PAPOLG: variants seen among roughly 807,000 people sequenced by gnomAD.
PAPOLG encodes the protein PAP-gamma.
In PAPOLG, 40 loss-of-function variants were observed where a neutral mutation model predicts 99.0. The ratio of observed to expected loss-of-function variants is 0.40; its 90% CI spans 0.31 to 0.53. The LOEUF is 0.53. Among genes scored for constraint, PAPOLG ranks in the 20% least tolerant of loss-of-function variants. The pLI is 0.41. For missense variants in PAPOLG, 675 were observed against 884.1 expected (o/e 0.76, Z 3.00); for synonymous variants, 310 against 299.3 (o/e 1.04, Z -0.37).
At chr2:60,767,311 A>C (rs1397682248) in intron 3 of PAPOLG, among the ~76,000 whole-genome samples, 1 of 152,008 alleles carries the variant, frequency 6.6e-6, no homozygotes, top group Non-Finnish European at 1.5e-5. Context: ...CTAGCTCTCA[A>C]GAGGTGAAAA....
intron 3 of PAPOLG, among the ~76,000 whole-genome samples, chr2:60,764,815 T>TA (rs1291100031): frequency 6.6e-6 from 1 of 152,176 alleles, no homozygotes; most frequent in Non-Finnish European, 1.5e-5. Flanking sequence ...GGGCTCAGAA[T>TA]AAAGTTGAGT....
intron 13 of PAPOLG, among the ~76,000 whole-genome samples, chr2:60,785,604 C>T (rs1465729475): frequency 6.6e-6 from 1 of 151,884 alleles, no homozygotes; most frequent in Non-Finnish European, 1.5e-5. Flanking sequence ...ATACTGCAAC[C>T]TCAAACTCCT....
rs1249176859 is a variant in PAPOLG at position 60,768,531 on chromosome 2, G to A, written c.308G>A (p.Arg103Lys). The change falls in exon 4 of 22, where the codon AGG becomes AAG. Residue 103 changes from arginine (R) to lysine (K), a missense_variant. Transcript: ENST00000238714. ...AAAATTTTCACATTTGGATCCTATAGGCTTGGAGTACACACCAAAGGTAAC... is the reference window on the plus strand; with the variant it reads ...AAAATTTTCACATTTGGATCCTATAAGCTTGGAGTACACACCAAAGGTAAC... The part of the protein sequence containing the change: ...GGKIFTFGSY[R>K]LGVHTKGADI... 5 of 1,610,766 alleles carry A rather than the reference G, an allele frequency of 3.1e-6. No individual in the cohort carries two copies. Among genetic ancestry groups the A allele is most frequent in the African/African-American group, 1.3e-5 (1 of 74,840 alleles).
intron 8 of PAPOLG, among the ~76,000 whole-genome samples, chr2:60,776,782 C>G (rs913292869): frequency 6.6e-6 from 1 of 152,128 alleles, no homozygotes; most frequent in African/African-American, 2.4e-5. Context: ...AATCACCTAC[C>G]CTTTGAAGCT....
chr2:60,768,931 G>C, intron 5 of PAPOLG, 41 bp downstream of exon 5: 2 of 1,409,350 alleles, frequency 1.4e-6, no homozygotes, highest in Non-Finnish European at 1.9e-6. Flanking sequence ...ATTTAGATTA[G>C]TAACAAATAT....
Position 60,794,149 on chromosome 2 carries a change from A to T in PAPOLG, c.1947A>T (p.Pro649=), listed in dbSNP as rs779424206. ...KTVTPKRSHS[P]SIDGTPKRLK... is the part of the protein sequence containing the mutation. ...TTACACCTAAGAGATCCCATTCCCC[A>T]TCCATAGATGGGACTCCTAAGAGGT... is the stretch of plus-strand genomic sequence containing the variant. The change falls in exon 19 of 22, where the codon CCA becomes CCT. Residue 649 remains proline, a synonymous_variant. Coordinates refer to ENST00000238714, the MANE Select transcript of PAPOLG (RefSeq NM_022894.4). 4 of 1,613,310 alleles carry T rather than the reference A, an allele frequency of 2.5e-6. No individual in the cohort carries two copies. Among genetic ancestry groups the T allele is most frequent in the Non-Finnish European group, 3.4e-6 (4 of 1,179,372 alleles).
At chr2:60,777,039 T>G (rs1671041478) in intron 8 of PAPOLG, among the ~76,000 whole-genome samples, 1 of 152,236 alleles carries the variant, frequency 6.6e-6, no homozygotes, top group African/African-American at 2.4e-5. Flanking sequence ...ACTTTTCTTC[T>G]GCACCTTCCT....
At chr2:60,789,780 C>T (rs1671474961) in intron 15 of PAPOLG, among the ~76,000 whole-genome samples, 1 of 152,174 alleles carries the variant, frequency 6.6e-6, no homozygotes, top group South Asian at 2.1e-4. Flanking sequence ...AAAGAGCCCT[C>T]ATATTTATCA....
At chr2:60,756,874 C>A (rs974974551) in intron 1 of PAPOLG, among the ~76,000 whole-genome samples, 1 of 152,120 alleles carries the variant, frequency 6.6e-6, no homozygotes, top group Admixed American at 6.5e-5. Flanking sequence ...CTGCCTCCCC[C>A]TCCTCCCTTC....
chr2:60,769,302 C>CT (rs745591272), intron 5 of PAPOLG, among the ~76,000 whole-genome samples: 4 of 152,100 alleles, frequency 2.6e-5, no homozygotes, highest in Admixed American at 6.6e-5. Context: ...GTTAGTAACT[C>CT]TTTATATGTG....
At position 60,798,365 on chromosome 2, in the gene PAPOLG, A is replaced by T. The variant is rs1671771947; in HGVS notation, c.*1205A>T. 1 of 152,708 alleles carries T rather than the reference A, an allele frequency of 6.5e-6. No homozygotes were observed. The highest frequency in any genetic ancestry group is 1.5e-5 in the Non-Finnish European group (1 of 68,020). 9.5% of individuals were successfully genotyped at this position (152,708 alleles called of 1,614,324 possible). A position where few individuals can be genotyped will look rare whatever the true frequency, so the allele number is the denominator to read the frequency against. On this transcript the variant is annotated 3_prime_UTR_variant, in exon 22 of 22. Coordinates refer to ENST00000238714, the MANE Select transcript of PAPOLG (RefSeq NM_022894.4). Reference sequence around the variant, plus strand: ...AATCCATAACCATGTAATTCTTGTAATATGTTGATTCAGTGTTTTGTAAAT... The same window carrying T: ...AATCCATAACCATGTAATTCTTGTATTATGTTGATTCAGTGTTTTGTAAAT...
chr2:60,775,343 T>A (rs1015591533), intron 8 of PAPOLG, among the ~76,000 whole-genome samples: 1 of 152,238 alleles, frequency 6.6e-6, no homozygotes, highest in South Asian at 2.1e-4. Context: ...GCCCTGACTT[T>A]TCATCTTAGG....
chr2:60,788,055 G>GA (rs922658590), intron 15 of PAPOLG, among the ~76,000 whole-genome samples: 41 of 145,026 alleles, frequency 2.8e-4, no homozygotes, highest in South Asian at 6.6e-4. Context: ...AAGAAAAAAA[G>GA]AAAAAAAAAA....
In PAPOLG at chr2:60,760,220, A is replaced by G. The variant is rs371695230; in HGVS notation, c.104A>G (p.His35Arg). Residue 35 changes from histidine to arginine, a missense_variant, in exon 2 of 22, where the codon CAT becomes CGT. Physicochemically the swap from His to Arg is conservative, Grantham distance 29. Transcript: ENST00000238714. The stretch of plus-strand genomic sequence containing the variant: ...TTGGCATCTCCTAAAGAAATTGATC[A>G]TATTTACACACAGAAATTAATTGAC... ...ISLASPKEID[H>R]IYTQKLIDAM... 5.0e-6 allele frequency: 8 copies of G among 1,614,096 alleles called. No individual in the cohort carries two copies. Among genetic ancestry groups the G allele is most frequent in the Non-Finnish European group, 6.8e-6 (8 of 1,179,932 alleles).
chr2:60,758,837 G>C (rs1670437312), intron 1 of PAPOLG, among the ~76,000 whole-genome samples: 1 of 152,096 alleles, frequency 6.6e-6, no homozygotes, highest in Non-Finnish European at 1.5e-5. Flanking sequence ...AATCTCTATT[G>C]TATGTTATTT....
At chr2:60,769,267 T>G (rs1039113744) in intron 5 of PAPOLG, among the ~76,000 whole-genome samples, 2 of 152,224 alleles carry the variant, frequency 1.3e-5, no homozygotes, top group Non-Finnish European at 2.9e-5. Context: ...TATCAAATGA[T>G]GAGTGCTATT....
At chr2:60,763,487 A>G (rs1670582419) in intron 3 of PAPOLG, among the ~76,000 whole-genome samples, 1 of 151,784 alleles carries the variant, frequency 6.6e-6, no homozygotes, top group South Asian at 2.1e-4. Flanking sequence ...AAGGCTAACT[A>G]TATTTTGAAT....
chr2:60,756,885 C>T (rs1670360641), intron 1 of PAPOLG, among the ~76,000 whole-genome samples: 1 of 152,106 alleles, frequency 6.6e-6, no homozygotes, highest in Non-Finnish European at 1.5e-5. Flanking sequence ...TCCTCCCTTC[C>T]CGACCGGCTG....
intron 13 of PAPOLG, among the ~76,000 whole-genome samples, chr2:60,785,691 T>TC (rs72128606): frequency 2.6e-5 from 1 of 39,104 alleles, no homozygotes. Flanking sequence ...ACCTGGCTGA[T>TC]TTTTTTTTTT....
Sources: allele counts gnomAD v4.1 joint callset (sites outside exome capture counted in the v4.1 genomes callset), GRCh38; gene constraint gnomAD v4.1.1; transcripts MANE v1.5; gene names NCBI Gene and HGNC (gene_info 2026-07-23, HGNC 2026-07-21).